The following NEK11 variants were observed in gnomAD, a reference collection of about 807,000 sequenced individuals.
NEK11 encodes the protein NIMA related kinase 11, also known as serine/threonine-protein kinase Nek11.
In NEK11, 72 loss-of-function variants were observed where a neutral mutation model predicts 80.7. The observed-to-expected ratio is 0.89, with a 90% CI of 0.74 to 1.08. The LOEUF is 1.08. NEK11 is among the 50% of genes least tolerant of loss of function. NEK11 has a pLI of 0.00. For missense variants in NEK11, 764 were observed against 763.6 expected (o/e 1.00, Z -0.01); for synonymous variants, 251 against 260.7 (o/e 0.96, Z 0.36).
Position 131,349,803 on chromosome 3 carries a change from C to T in NEK11, c.*27C>T. 6.5e-7 allele frequency: 1 copy of T among 1,532,628 alleles called. No homozygotes were observed. 94.9% of individuals were successfully genotyped at this position (1,532,628 alleles called of 1,614,324 possible). On this transcript the variant is annotated 3_prime_UTR_variant, in exon 18 of 18. Transcript: ENST00000383366. ...CAACTATCAAAAAGAAGCAGAAGTT[C>T]AAGTGGACAAATTTATGTGAAAATT...
chr3:131,253,481 G>T (rs1440960526), intron 16 of NEK11, among the ~76,000 whole-genome samples: 1 of 152,074 alleles, frequency 6.6e-6, no homozygotes, highest in South Asian at 2.1e-4. Context: ...TTTTACTGAG[G>T]GCAGATACTT....
intron 10 of NEK11, among the ~76,000 whole-genome samples, chr3:131,156,526 G>A (rs775745308): frequency 1.1e-4 from 17 of 152,120 alleles, no homozygotes; most frequent in East Asian, 3.8e-4. Context: ...GCCTCTAGTC[G>A]GCCATCTTGC....
intron 17 of NEK11, among the ~76,000 whole-genome samples, chr3:131,275,858 A>G (rs560103353): frequency 3.0e-4 from 45 of 152,372 alleles, no homozygotes; most frequent in Non-Finnish European, 6.2e-4. Flanking sequence ...TATAATGTAG[A>G]GAAAACACAA....
intron 17 of NEK11, among the ~76,000 whole-genome samples, chr3:131,321,388 CTG>C (rs1025214617): frequency 2.0e-5 from 3 of 152,152 alleles, no homozygotes; most frequent in Admixed American, 1.3e-4. Flanking sequence ...AGACCTCAAA[CTG>C]TAAGAATTCT....
intron 17 of NEK11, among the ~76,000 whole-genome samples, chr3:131,316,386 AACAC>A (rs887547155): frequency 3.3e-5 from 5 of 152,192 alleles, no homozygotes; most frequent in African/African-American, 9.6e-5. Context: ...GCTTTAGAGA[AACAC>A]ACAGTTTTAC....
At chr3:131,262,784 G>A (rs928193259) in intron 16 of NEK11, among the ~76,000 whole-genome samples, 7 of 152,096 alleles carry the variant, frequency 4.6e-5, no homozygotes, top group Admixed American at 1.3e-4. Context: ...ATCTACATTA[G>A]GTATTTCTCC....
intron 3 of NEK11, among the ~76,000 whole-genome samples, chr3:131,059,858 C>A (rs2070482643): frequency 6.6e-6 from 1 of 152,108 alleles, no homozygotes; most frequent in African/African-American, 2.4e-5. Flanking sequence ...ATCCAGTGAC[C>A]AAGAATGAGG....
chr3:131,072,742 C>G (rs1184361615), intron 3 of NEK11, among the ~76,000 whole-genome samples: 1 of 152,070 alleles, frequency 6.6e-6, no homozygotes, highest in Non-Finnish European at 1.5e-5. Context: ...GGAATCCACT[C>G]ATATTGTAGG....
chr3:131,344,243 A>G (rs1264863416), intron 17 of NEK11, among the ~76,000 whole-genome samples: 4 of 152,224 alleles, frequency 2.6e-5, no homozygotes, highest in African/African-American at 9.7e-5. Flanking sequence ...AAACTTCCAC[A>G]GATCCCTAGG....
At chr3:131,048,356 T>C (rs902329922) in intron 3 of NEK11, among the ~76,000 whole-genome samples, 1 of 152,206 alleles carries the variant, frequency 6.6e-6, no homozygotes, top group African/African-American at 2.4e-5. Flanking sequence ...CAGCTGGAAG[T>C]TTCCTTCTCC....
intron 16 of NEK11, among the ~76,000 whole-genome samples, chr3:131,267,589 T>C (rs2096084954): frequency 6.6e-6 from 1 of 152,054 alleles, no homozygotes; most frequent in African/African-American, 2.4e-5. Context: ...CCTTTGTGGG[T>C]AACCTGACCT....
At chr3:131,096,897 C>G (rs1396349169) in intron 4 of NEK11, among the ~76,000 whole-genome samples, 11 of 114,940 alleles carry the variant, frequency 9.6e-5, no homozygotes, top group Admixed American at 2.0e-4. Flanking sequence ...CCCCCCACCC[C>G]ACAACGGTCC....
chr3:131,203,771 A>G (rs1403281599), intron 14 of NEK11, among the ~76,000 whole-genome samples: 207 of 1,492 alleles, frequency 0.14, 2 homozygotes, highest in East Asian at 0.29. Context: ...GTGTGTGTAT[A>G]TATATATATA....
chr3:131,273,047 G>A (rs112766564), intron 16 of NEK11, among the ~76,000 whole-genome samples: 25 of 152,260 alleles, frequency 1.6e-4, no homozygotes, highest in African/African-American at 5.8e-4. Flanking sequence ...TAATGCTCAG[G>A]TATAAGATTA....
At chr3:131,348,984 T>C (rs2097410617) in intron 17 of NEK11, among the ~76,000 whole-genome samples, 3 of 152,156 alleles carry the variant, frequency 2.0e-5, no homozygotes, top group Non-Finnish European at 2.9e-5. Flanking sequence ...TATTATTAAC[T>C]ATTTCTGCAT....
intron 14 of NEK11, among the ~76,000 whole-genome samples, chr3:131,181,725 G>A (rs1222885319): frequency 6.8e-5 from 8 of 118,056 alleles, no homozygotes; most frequent in Admixed American, 5.0e-4. Context: ...CAGCCTGGGC[G>A]ACAGAGCGAG....
intron 9 of NEK11, among the ~76,000 whole-genome samples, chr3:131,153,815 G>C (rs1048514557): frequency 6.6e-6 from 1 of 152,158 alleles, no homozygotes. Flanking sequence ...AAAAAGTAAG[G>C]ATGTAAATAA....
chr3:131,313,434 C>A (rs930982680), intron 17 of NEK11, among the ~76,000 whole-genome samples: 13 of 152,290 alleles, frequency 8.5e-5, no homozygotes, highest in Admixed American at 6.5e-5. Flanking sequence ...TACCTCCCAC[C>A]AGCAGTGTGT....
At chr3:131,051,404 A>T (rs1010306938) in intron 3 of NEK11, among the ~76,000 whole-genome samples, 2 of 152,186 alleles carry the variant, frequency 1.3e-5, no homozygotes, top group African/African-American at 4.8e-5. Context: ...CCTGGGGTTA[A>T]TATTTGCCAG....
Sources: allele counts gnomAD v4.1 joint callset (sites outside exome capture counted in the v4.1 genomes callset), GRCh38; gene constraint gnomAD v4.1.1; transcripts MANE v1.5; gene names NCBI Gene and HGNC (gene_info 2026-07-23, HGNC 2026-07-21).